Variants in GRIA4 observed in about 807,000 individuals in gnomAD.
The protein encoded by GRIA4 is glutamate ionotropic receptor AMPA type subunit 4.
In GRIA4, 34 loss-of-function variants were observed where a neutral mutation model predicts 104.0. That is an observed-to-expected ratio of 0.33 (90% CI 0.25 to 0.44). GRIA4 has a LOEUF of 0.44. Ranked by LOEUF, GRIA4 falls within the 20% of genes least tolerant of loss-of-function variation. The pLI is 1.00. For missense variants in GRIA4, 750 were observed against 1,096.5 expected (o/e 0.68, Z 4.46); for synonymous variants, 386 against 381.9 (o/e 1.01, Z -0.13).
At position 105,856,173 on chromosome 11, in the gene GRIA4, T is replaced by C. The variant is rs565837427; in HGVS notation, c.488-5851T>C. Among the ~76,000 whole-genome samples, 7 of 152,262 alleles carry C rather than the reference T, an allele frequency of 4.6e-5. No individual in the cohort carries two copies. The East Asian group carries it at 1.2e-3, about 25-fold the overall frequency. ...GATTACTACCATGTGGGTTCCTAAG[T>C]GATTTTCCCATTTCTGTGTTTCCCA... is the stretch of plus-strand genomic sequence containing the variant. On this transcript the variant is annotated intron_variant, in intron 4 of 16. Coordinates refer to ENST00000282499, the MANE Select transcript of GRIA4 (RefSeq NM_000829.4).
intron 5 of GRIA4, among the ~76,000 whole-genome samples, chr11:105,883,409 T>C (rs1946137890): frequency 6.6e-6 from 1 of 151,668 alleles, no homozygotes; most frequent in Non-Finnish European, 1.5e-5. Flanking sequence ...GTATAACTCC[T>C]AATGCTATCC....
intron 4 of GRIA4, among the ~76,000 whole-genome samples, chr11:105,803,344 A>G (rs1394272142): frequency 2.0e-5 from 3 of 151,946 alleles, no homozygotes; most frequent in Admixed American, 1.3e-4. Context: ...ATTTGCCACT[A>G]TGAAATTTAG....
intron 4 of GRIA4, among the ~76,000 whole-genome samples, chr11:105,758,064 C>A (rs917055923): frequency 6.6e-6 from 1 of 152,018 alleles, no homozygotes; most frequent in African/African-American, 2.4e-5. Flanking sequence ...GACATCATAG[C>A]AAGACCCTGT....
chr11:105,858,452 C>T (rs1223665839), intron 4 of GRIA4, among the ~76,000 whole-genome samples: 1 of 152,114 alleles, frequency 6.6e-6, no homozygotes, highest in Non-Finnish European at 1.5e-5. Flanking sequence ...ATAATGATCA[C>T]ATCAGAGTAA....
At chr11:105,725,733 GC>G in intron 3 of GRIA4, among the ~76,000 whole-genome samples, 1 of 152,146 alleles carries the variant, frequency 6.6e-6, no homozygotes, top group South Asian at 2.1e-4. Flanking sequence ...AGTGAGTGCA[GC>G]CCATGGAGAG....
At chr11:105,769,678 A>AT (rs1192703397) in intron 4 of GRIA4, among the ~76,000 whole-genome samples, 1 of 152,080 alleles carries the variant, frequency 6.6e-6, no homozygotes, top group Non-Finnish European at 1.5e-5. Context: ...GTCTTTCAGA[A>AT]TTATAACACT....
At chr11:105,685,510 T>C (rs1283058628) in intron 3 of GRIA4, among the ~76,000 whole-genome samples, 1 of 152,186 alleles carries the variant, frequency 6.6e-6, no homozygotes, top group Non-Finnish European at 1.5e-5. Flanking sequence ...TTTCATGTAA[T>C]TCAGTCTACT....
rs141826947 is a variant in GRIA4 at position 105,954,599 on chromosome 11, C to A, written c.2295-17315C>A. ...GTATAGTTTATTCTCAGACTAAGATCAAAATGAACACACACTTGTTTCTTT... is the reference window on the plus strand; with the variant it reads ...GTATAGTTTATTCTCAGACTAAGATAAAAATGAACACACACTTGTTTCTTT... On this transcript the variant is annotated intron_variant, in intron 14 of 16. Coordinates refer to ENST00000282499, the MANE Select transcript of GRIA4 (RefSeq NM_000829.4). Among the ~76,000 whole-genome samples, 6 of 152,112 alleles carry A rather than the reference C, an allele frequency of 3.9e-5. No homozygotes were observed. The East Asian group carries it at 1.2e-3, about 29-fold the overall frequency.
At chr11:105,804,040 T>C (rs989927964) in intron 4 of GRIA4, among the ~76,000 whole-genome samples, 1 of 151,926 alleles carries the variant, frequency 6.6e-6, no homozygotes, top group Non-Finnish European at 1.5e-5. Flanking sequence ...TCATTTGCTA[T>C]ATATGATTGG....
At chr11:105,969,783 A>T (rs1858589742) in intron 14 of GRIA4, among the ~76,000 whole-genome samples, 1 of 152,200 alleles carries the variant, frequency 6.6e-6, no homozygotes, top group African/African-American at 2.4e-5. Context: ...AGTTCAAGAA[A>T]AAAGCTTGCT....
chr11:105,834,712 CTTT>C (rs5794429), intron 4 of GRIA4, among the ~76,000 whole-genome samples: 13 of 131,582 alleles, frequency 9.9e-5, no homozygotes, highest in Admixed American at 7.7e-5. Flanking sequence ...TACAAAAAGA[CTTT>C]TTTTTTTTTT....
intron 3 of GRIA4, among the ~76,000 whole-genome samples, chr11:105,734,562 C>T (rs1317303746): frequency 6.6e-6 from 1 of 152,066 alleles, no homozygotes. Context: ...GGCTTCCCAT[C>T]TTCCTTAGGA....
chr11:105,876,917 A>C (rs560633728), intron 5 of GRIA4, among the ~76,000 whole-genome samples: 1 of 152,306 alleles, frequency 6.6e-6, no homozygotes, highest in African/African-American at 2.4e-5. Context: ...GTTTACATTT[A>C]AGGTTAATAT....
At chr11:105,762,614 A>T (rs1940717689) in intron 4 of GRIA4, among the ~76,000 whole-genome samples, 1 of 152,102 alleles carries the variant, frequency 6.6e-6, no homozygotes, top group Non-Finnish European at 1.5e-5. Context: ...GAATTTTAAT[A>T]AGCCCCTCTT....
At chr11:105,711,289 A>C (rs889802384) in intron 3 of GRIA4, among the ~76,000 whole-genome samples, 2 of 151,462 alleles carry the variant, frequency 1.3e-5, no homozygotes, top group African/African-American at 4.9e-5. Context: ...GTCGGGGGAG[A>C]GGGGAGGGAT....
chr11:105,671,830 T>G (rs1184066490), intron 3 of GRIA4, among the ~76,000 whole-genome samples: 2 of 152,084 alleles, frequency 1.3e-5, no homozygotes, highest in Non-Finnish European at 1.5e-5. Flanking sequence ...CAGTTGATAT[T>G]TAGGCTGTCT....
chr11:105,950,612 A>G lies in GRIA4; in HGVS notation c.2294+16643A>G, dbSNP rs576631672. ...CCATCTAGTTAAATCAAGTCATTTC[A>G]TATAGATATTGGTAATGCTTTTCAA... On this transcript the variant is annotated intron_variant, in intron 14 of 16. Coordinates refer to ENST00000282499, the MANE Select transcript of GRIA4 (RefSeq NM_000829.4). Among the ~76,000 whole-genome samples the G allele has an allele frequency of 7.5e-4, 114 of 152,348 alleles. 1 individual carries two copies. The South Asian group carries it at 0.017, about 22-fold the overall frequency.
At chr11:105,729,858 T>G (rs1938474979) in intron 3 of GRIA4, among the ~76,000 whole-genome samples, 1 of 152,162 alleles carries the variant, frequency 6.6e-6, no homozygotes. Context: ...TGAACATATC[T>G]GAAAATAATA....
chr11:105,863,004 A>G (rs571082565), intron 5 of GRIA4, among the ~76,000 whole-genome samples: 1 of 152,324 alleles, frequency 6.6e-6, no homozygotes, highest in Non-Finnish European at 1.5e-5. Context: ...TGCTCATATT[A>G]TCTACAATAC....
Sources: allele counts gnomAD v4.1 joint callset (sites outside exome capture counted in the v4.1 genomes callset), GRCh38; gene constraint gnomAD v4.1.1; transcripts MANE v1.5; gene names NCBI Gene and HGNC (gene_info 2026-07-23, HGNC 2026-07-21).